Variants in SOBP observed in about 807,000 individuals in gnomAD.
The protein encoded by SOBP is sine oculis-binding protein homolog.
Under a neutral mutation model 53.6 loss-of-function variants are expected in SOBP, and 4 were observed. The observed-to-expected ratio is 0.07, with a 90% CI of 0.04 to 0.17. The LOEUF (loss-of-function observed/expected upper bound fraction) is 0.17. Ranked by LOEUF, SOBP falls within the 10% of genes least tolerant of loss-of-function variation. The probability of loss-of-function intolerance (pLI) is 1.00; values close to 1 mark genes in which losing one functional copy is unlikely to be tolerated. For missense variants in SOBP, 1,088 were observed against 1,204.7 expected (o/e 0.90, Z 1.43); for synonymous variants, 584 against 522.6 (o/e 1.12, Z -1.60).
chr6:107,660,371 C>G lies in SOBP; in HGVS notation c.*2168C>G, dbSNP rs185765803. ...GAGCCCACTCCGTCCGTTCCAGGGC[C>G]TGCTTCCTAACCATGCCCATCACTG... On this transcript the variant is annotated 3_prime_UTR_variant, in exon 7 of 7. Coordinates refer to ENST00000317357, the MANE Select transcript of SOBP (RefSeq NM_018013.4). Among the ~76,000 whole-genome samples, 280 of 152,292 alleles carry G rather than the reference C, an allele frequency of 1.8e-3. 1 individual carries two copies. Among genetic ancestry groups the G allele is most frequent in the African/African-American group, 6.3e-3 (263 of 41,556 alleles).
At chr6:107,586,405 C>CA (rs1189755923) in intron 4 of SOBP, among the ~76,000 whole-genome samples, 1 of 152,206 alleles carries the variant, frequency 6.6e-6, no homozygotes, top group Non-Finnish European at 1.5e-5. Context: ...AGACTGTATG[C>CA]AAGCGGTATT....
At chr6:107,499,196 A>G (rs1562572600) in intron 1 of SOBP, among the ~76,000 whole-genome samples, 1 of 152,138 alleles carries the variant, frequency 6.6e-6, no homozygotes, top group African/African-American at 2.4e-5. Flanking sequence ...TATAATAGAA[A>G]GAGACCTGGC....
intron 1 of SOBP, 151 bp downstream of exon 1, chr6:107,490,863 C>A: frequency 1.5e-6 from 1 of 651,746 alleles, no homozygotes; most frequent in South Asian, 1.7e-5. Context: ...AGGTGTAAAG[C>A]AGAGGCCAAC....
intron 4 of SOBP, among the ~76,000 whole-genome samples, chr6:107,569,820 G>A (rs188841572): frequency 2.0e-5 from 3 of 152,300 alleles, no homozygotes; most frequent in East Asian, 1.9e-4. Flanking sequence ...TGCCCTGTGC[G>A]TAATGCAGCT....
intron 4 of SOBP, among the ~76,000 whole-genome samples, chr6:107,541,071 C>T (rs1784134620): frequency 6.6e-6 from 1 of 152,148 alleles, no homozygotes; most frequent in African/African-American, 2.4e-5. Context: ...CTGATTAAGT[C>T]CTCAAAATGT....
chr6:107,565,878 C>T (rs1451840333), intron 4 of SOBP, among the ~76,000 whole-genome samples: 1 of 152,214 alleles, frequency 6.6e-6, no homozygotes, highest in African/African-American at 2.4e-5. Context: ...ACCTCCTGTG[C>T]AGGGAAAGCA....
intron 3 of SOBP, among the ~76,000 whole-genome samples, chr6:107,522,200 G>A (rs1431804850): frequency 6.6e-6 from 1 of 152,148 alleles, no homozygotes; most frequent in African/African-American, 2.4e-5. Context: ...AAGCAGACAG[G>A]TGTGAGGCTG....
intron 4 of SOBP, among the ~76,000 whole-genome samples, chr6:107,539,615 T>C (rs1327388497): frequency 6.6e-6 from 1 of 152,240 alleles, no homozygotes; most frequent in Non-Finnish European, 1.5e-5. Context: ...AGCCACATTG[T>C]GTTCTGGTGA....
intron 4 of SOBP, among the ~76,000 whole-genome samples, chr6:107,547,480 A>C (rs1032050723): frequency 4.6e-5 from 7 of 152,246 alleles, no homozygotes; most frequent in African/African-American, 1.7e-4. Context: ...TTTTTATAAA[A>C]GGCTAACGCT....
At chr6:107,581,628 G>A (rs1374877860) in intron 4 of SOBP, among the ~76,000 whole-genome samples, 1 of 152,192 alleles carries the variant, frequency 6.6e-6, no homozygotes, top group African/African-American at 2.4e-5. Context: ...GTTTATTCCT[G>A]AGCTTCCTCA....
Position 107,634,905 on chromosome 6 carries a change from C to A in SOBP, c.2061C>A (p.Arg687=). The A allele has an allele frequency of 7.9e-7, 1 of 1,267,466 alleles. No individual in the cohort carries two copies. The highest frequency in any genetic ancestry group is 2.1e-5 in the South Asian group (1 of 46,764). The allele number at this position is 1,267,466 out of a possible 1,614,324, so 78.5% of individuals were successfully genotyped here. ...KAEREPSAAE[R]RTCGGCRDGH... ...AGCGCGAGCCGAGCGCCGCGGAGCGCAGGACCTGCGGCGGCTGCAGGGACG... is the reference window on the plus strand; with the variant it reads ...AGCGCGAGCCGAGCGCCGCGGAGCGAAGGACCTGCGGCGGCTGCAGGGACG... Residue 687 remains arginine (R), a synonymous_variant, in exon 6 of 7, where the codon CGC becomes CGA. Coordinates refer to ENST00000317357, the MANE Select transcript of SOBP (RefSeq NM_018013.4). The surrounding 1 kb of genome is among the most constrained non-coding windows in gnomAD (Gnocchi z 4.5).
At chr6:107,518,145 A>C (rs960323030) in intron 3 of SOBP, among the ~76,000 whole-genome samples, 2 of 152,218 alleles carry the variant, frequency 1.3e-5, no homozygotes, top group African/African-American at 2.4e-5. Context: ...AATCTCTGTA[A>C]ATAAAAATAA....
intron 6 of SOBP, among the ~76,000 whole-genome samples, chr6:107,641,645 G>A (rs1771324611): frequency 6.6e-6 from 1 of 152,144 alleles, no homozygotes; most frequent in Non-Finnish European, 1.5e-5. Context: ...CTATTAACCA[G>A]CCGTTGCCCA....
chr6:107,607,136 T>C (rs1786414269), intron 5 of SOBP, among the ~76,000 whole-genome samples: 1 of 152,206 alleles, frequency 6.6e-6, no homozygotes, highest in South Asian at 2.1e-4. Flanking sequence ...ACACCTGGTT[T>C]TAAATGTTCC....
At chr6:107,620,366 C>G (rs777513639) in intron 5 of SOBP, among the ~76,000 whole-genome samples, 1 of 152,208 alleles carries the variant, frequency 6.6e-6, no homozygotes, top group Non-Finnish European at 1.5e-5. Context: ...TATGACCACT[C>G]TCTCCACCAC....
At chr6:107,616,678 G>A (rs756005573) in intron 5 of SOBP, among the ~76,000 whole-genome samples, 3 of 152,218 alleles carry the variant, frequency 2.0e-5, no homozygotes, top group Non-Finnish European at 2.9e-5. Context: ...AAAGCAAATC[G>A]GAGAGGGTTC....
At chr6:107,502,004 C>G (rs1782854028) in intron 1 of SOBP, among the ~76,000 whole-genome samples, 1 of 152,194 alleles carries the variant, frequency 6.6e-6, no homozygotes. Flanking sequence ...TGTTAATGCA[C>G]TGTACCATCA....
At chr6:107,598,647 G>C (rs749712523) in intron 5 of SOBP, among the ~76,000 whole-genome samples, 5 of 152,162 alleles carry the variant, frequency 3.3e-5, no homozygotes, top group African/African-American at 1.2e-4. Flanking sequence ...AGGAAGTACT[G>C]TTATGAAAGC....
intron 3 of SOBP, chr6:107,529,543 T>TGGTA: frequency 2.0e-6 from 2 of 985,348 alleles, no homozygotes; most frequent in Non-Finnish European, 1.2e-6. Flanking sequence ...TACAAAGGGG[T>TGGTA]GGTAAATCTA....
Sources: allele counts gnomAD v4.1 joint callset (sites outside exome capture counted in the v4.1 genomes callset), GRCh38; gene constraint gnomAD v4.1.1; non-coding constraint Gnocchi (gnomAD v3.1); transcripts MANE v1.5; gene names NCBI Gene and HGNC (gene_info 2026-07-23, HGNC 2026-07-21).